Variants in FAM53A observed in about 807,000 individuals in gnomAD.
FAM53A encodes the protein protein FAM53A.
FAM53A carries 28 observed loss-of-function variants against 26.6 expected under a neutral mutation model. The ratio of observed to expected loss-of-function variants is 1.05; its 90% CI spans 0.78 to 1.45. The LOEUF is 1.45. Ranked by LOEUF, FAM53A falls within the 40% of genes most tolerant of loss-of-function variation. The pLI is 0.00. For missense variants in FAM53A, 650 were observed against 575.8 expected, an observed-to-expected ratio of 1.13 and a Z score of -1.32; for synonymous variants, 290 against 253.1, an observed-to-expected ratio of 1.15 and a Z score of -1.38.
chr4:1,611,223 C>T, the FAM53A span, among the ~76,000 whole-genome samples: 1 of 152,226 alleles, frequency 6.6e-6, no homozygotes, highest in Non-Finnish European at 1.5e-5. Flanking sequence ...ACTCCTCTTG[C>T]TCAGCTCAGT....
At chr4:1,643,098 G>T (rs567257785) in intron 4 of FAM53A, among the ~76,000 whole-genome samples, 1 of 152,200 alleles carries the variant, frequency 6.6e-6, no homozygotes, top group South Asian at 2.1e-4. Context: ...AACACTTCCA[G>T]CGACTGATTT....
rs557716282 is a variant in FAM53A, at chr4:1,654,403, G to C, written c.882+575C>G. On this transcript the variant is annotated intron_variant, in intron 4 of 4. Coordinates refer to ENST00000308132, the MANE Select transcript of FAM53A (RefSeq NM_001174070.3). ...CCACGGCCTGTGACGGGGGTGTGGA[G>C]AGGTGGGTGGCACTGAGAATCTTCA... 5.3e-5 allele frequency among the ~76,000 whole-genome samples: 8 copies of C among 152,366 alleles called. No individual in the cohort carries two copies. In the East Asian group the frequency reaches 1.3e-3, roughly 26 times the overall value.
the FAM53A span, among the ~76,000 whole-genome samples, chr4:1,605,255 G>A: frequency 2.6e-5 from 4 of 152,166 alleles, no homozygotes; most frequent in Admixed American, 6.5e-5. The surrounding 1 kb of genome is among the most constrained non-coding windows in gnomAD (Gnocchi z 5.7). Context: ...TGCTCTCAGC[G>A]CGGCCTCAGC....
At chr4:1,617,953 G>A (rs1009093147) in exon 2 of FAM53A, 5 of 434,044 alleles carry the variant, frequency 1.2e-5, no homozygotes, top group African/African-American at 6.1e-5. Flanking sequence ...GAGAGAAGTC[G>A]CTGCGATGGT....
the FAM53A span, among the ~76,000 whole-genome samples, chr4:1,592,085 C>T: frequency 2.0e-5 from 3 of 152,102 alleles, no homozygotes; most frequent in African/African-American, 4.8e-5. Context: ...CTGCTAAGAT[C>T]GTTTCTATTT....
the FAM53A span, among the ~76,000 whole-genome samples, chr4:1,599,148 G>A: frequency 6.6e-6 from 1 of 150,424 alleles, no homozygotes; most frequent in Non-Finnish European, 1.5e-5. This position sits in a 1 kb window ranked among gnomAD's most constrained non-coding sequence, Gnocchi z 6.1. Flanking sequence ...AGGGGATCCA[G>A]GGTGCTGGAG....
intron 4 of FAM53A, among the ~76,000 whole-genome samples, chr4:1,653,201 A>C (rs76607852): frequency 0.27 from 40,855 of 151,468 alleles, 6,231 homozygotes; most frequent in Middle Eastern, 0.42. Context: ...CCATCTCCCC[A>C]ACACACCACA....
intron 4 of FAM53A, among the ~76,000 whole-genome samples, chr4:1,653,600 T>C (rs1198265614): frequency 6.6e-6 from 1 of 152,216 alleles, no homozygotes. Context: ...CAGCATTTAC[T>C]GGCTTCCCCA....
chr4:1,633,011 C>T (rs905922812), intron 1 of FAM53A, among the ~76,000 whole-genome samples: 14 of 131,940 alleles, frequency 1.1e-4, no homozygotes, highest in Non-Finnish European at 1.8e-4. Context: ...CGTGCTCACA[C>T]GCATAGGTAC....
chr4:1,620,699 A>ACAC (rs60242901), intron 1 of FAM53A, among the ~76,000 whole-genome samples: 56,980 of 150,434 alleles, frequency 0.38, 11,662 homozygotes, highest in African/African-American at 0.52. Context: ...GAAAGAAAAA[A>ACAC]CACCACCACC....
intron 1 of FAM53A, among the ~76,000 whole-genome samples, chr4:1,629,810 A>G (rs963524310): frequency 6.6e-6 from 1 of 152,114 alleles, no homozygotes; most frequent in Non-Finnish European, 1.5e-5. Flanking sequence ...TCTGAGAACA[A>G]GGCTGGGCCC....
At chr4:1,681,610 C>G (rs907716645) in intron 1 of FAM53A, among the ~76,000 whole-genome samples, 2 of 151,692 alleles carry the variant, frequency 1.3e-5, no homozygotes, top group Non-Finnish European at 2.9e-5. Context: ...AATCCTCCCA[C>G]CTCAGCCTCC....
intron 1 of FAM53A, among the ~76,000 whole-genome samples, chr4:1,621,924 T>C (rs1715054643): frequency 6.6e-6 from 1 of 152,178 alleles, no homozygotes; most frequent in African/African-American, 2.4e-5. Context: ...AGGTGGGACC[T>C]GATGGGAAGT....
At chr4:1,624,684 G>A (rs1172482309) in intron 1 of FAM53A, among the ~76,000 whole-genome samples, 1 of 152,188 alleles carries the variant, frequency 6.6e-6, no homozygotes, top group East Asian at 1.9e-4. Flanking sequence ...GCCAGGTACC[G>A]CCACGCTGCG....
At chr4:1,601,274 T>C in the FAM53A span, among the ~76,000 whole-genome samples, 20 of 115,070 alleles carry the variant, frequency 1.7e-4, 8 homozygotes, top group Admixed American at 1.4e-3. Context: ...AAACCTGCAC[T>C]TTCCTGGGCA....
chr4:1,585,274 CTCTTTTTT>C, the FAM53A span, among the ~76,000 whole-genome samples: 1 of 79,230 alleles, frequency 1.3e-5, no homozygotes, highest in African/African-American at 3.6e-5. Flanking sequence ...CTCTCTCTCT[CTCTTTTTT>C]TTTTTTTTTT....
chr4:1,602,624 G>T, the FAM53A span, among the ~76,000 whole-genome samples: 1 of 152,226 alleles, frequency 6.6e-6, no homozygotes, highest in Non-Finnish European at 1.5e-5. Context: ...AAAGCTGGGG[G>T]GAGAGAAAGT....
chr4:1,649,163 A>G (rs1244929044), intron 4 of FAM53A, among the ~76,000 whole-genome samples: 2 of 120,056 alleles, frequency 1.7e-5, no homozygotes, highest in East Asian at 5.5e-4. Context: ...GGGAAAGGGA[A>G]GGGGAAAGGG....
rs528927601 is a variant in FAM53A, at chr4:1,659,504, C to A, written c.76-2036G>T. On this transcript the variant is annotated intron_variant, in intron 2 of 4. Transcript: ENST00000308132. The surrounding 1 kb of genome is among the most constrained non-coding windows in gnomAD (Gnocchi z 5.2). ...GGCTCTCACGGGCAGCTTGAAGGAGCCACAGGCCCGCACGGTCCCAAATGT... is the reference window on the plus strand; with the variant it reads ...GGCTCTCACGGGCAGCTTGAAGGAGACACAGGCCCGCACGGTCCCAAATGT... 4.6e-5 allele frequency among the ~76,000 whole-genome samples: 7 copies of A among 152,328 alleles called. No individual in the cohort carries two copies. The highest frequency in any genetic ancestry group is 1.0e-4 in the Non-Finnish European group (7 of 68,036).
Sources: gnomAD v4.1 joint callset for allele counts (sites outside exome capture counted in the v4.1 genomes callset) on GRCh38, gnomAD v4.1.1 for gene constraint, Gnocchi (gnomAD v3.1) non-coding constraint, MANE v1.5 for transcripts, NCBI Gene and HGNC (gene_info 2026-07-23, HGNC 2026-07-21) for gene names.